CNTNAP5: variants seen among roughly 807,000 people sequenced by gnomAD.
CNTNAP5 encodes the protein contactin associated protein family member 5.
CNTNAP5 carries 72 observed loss-of-function variants against 150.2 expected under a neutral mutation model. The ratio of observed to expected loss-of-function variants is 0.48; its 90% CI spans 0.40 to 0.58. CNTNAP5 has a LOEUF of 0.58. Among genes scored for constraint, CNTNAP5 ranks in the 20% least tolerant of loss-of-function variants. The pLI is 0.00. For missense variants in CNTNAP5, 1,636 were observed against 1,626.2 expected (o/e 1.01, Z -0.10); for synonymous variants, 672 against 619.8 (o/e 1.08, Z -1.25).
intron 17 of CNTNAP5, among the ~76,000 whole-genome samples, chr2:124,775,922 A>G (rs956461070): frequency 2.6e-5 from 4 of 152,254 alleles, no homozygotes; most frequent in South Asian, 2.1e-4. Flanking sequence ...CGAAGATCCA[A>G]TGGAGAGATC....
At chr2:124,473,396 A>T (rs1035527955) in intron 6 of CNTNAP5, among the ~76,000 whole-genome samples, 1 of 152,072 alleles carries the variant, frequency 6.6e-6, no homozygotes, top group Admixed American at 6.6e-5. Flanking sequence ...AAAATGAAAT[A>T]GATAAAATAT....
At chr2:124,730,530 C>T (rs1159368015) in intron 13 of CNTNAP5, among the ~76,000 whole-genome samples, 2 of 152,034 alleles carry the variant, frequency 1.3e-5, no homozygotes, top group Admixed American at 6.6e-5. Context: ...GATGTGGAAA[C>T]ATAGCAACTA....
intron 4 of CNTNAP5, among the ~76,000 whole-genome samples, chr2:124,418,304 A>T (rs1236450952): frequency 6.6e-6 from 1 of 152,208 alleles, no homozygotes; most frequent in Non-Finnish European, 1.5e-5. Context: ...CCCCTAATGC[A>T]TAAACACATT....
chr2:124,903,984 G>T (rs567880526), intron 22 of CNTNAP5, among the ~76,000 whole-genome samples: 4 of 144,616 alleles, frequency 2.8e-5, no homozygotes, highest in Non-Finnish European at 6.0e-5. Flanking sequence ...AACCTGGAAG[G>T]CAGAGGTTGC....
chr2:124,900,456 A>C (rs1342030750), intron 21 of CNTNAP5, among the ~76,000 whole-genome samples: 1 of 151,300 alleles, frequency 6.6e-6, no homozygotes, highest in Non-Finnish European at 1.5e-5. Context: ...TGTTCTTTGC[A>C]TTTCTTTTCA....
chr2:124,809,233 C>T (rs78610544), intron 19 of CNTNAP5, among the ~76,000 whole-genome samples: 264 of 152,134 alleles, frequency 1.7e-3, no homozygotes, highest in African/African-American at 6.1e-3. Flanking sequence ...GTACTTTCAC[C>T]AGCCTTCCAA....
rs72980426 is a variant in CNTNAP5, at chr2:124,763,611, A to G, written c.2235-61A>G. ...TCACTTCTGAAAAGAGGGGTCATGG[A>G]AAAGAGTCCCTAGATTATCCACATT... On this transcript the variant is annotated intron_variant, in intron 14 of 23. Transcript: ENST00000682447. The G allele has an allele frequency of 3.8e-3, 5,876 of 1,532,968 alleles. 168 individuals carry two copies. In the African/African-American group the frequency reaches 0.061, roughly 16 times the overall value. The allele number at this position is 1,532,968 out of a possible 1,614,324, so 95.0% of individuals were successfully genotyped here.
intron 3 of CNTNAP5, among the ~76,000 whole-genome samples, chr2:124,301,419 A>T (rs556659561): frequency 6.6e-6 from 1 of 152,182 alleles, no homozygotes; most frequent in East Asian, 1.9e-4. Context: ...GGCAATCACT[A>T]GTGAAGGATT....
At chr2:124,876,735 T>C (rs966778826) in intron 21 of CNTNAP5, among the ~76,000 whole-genome samples, 2 of 152,124 alleles carry the variant, frequency 1.3e-5, no homozygotes, top group African/African-American at 4.8e-5. Flanking sequence ...AGTTCTTTAG[T>C]AAATACTAAA....
chr2:124,771,724 C>T (rs372476973), intron 16 of CNTNAP5, among the ~76,000 whole-genome samples: 8 of 144,566 alleles, frequency 5.5e-5, no homozygotes, highest in East Asian at 4.0e-4. Context: ...TTCATCACCA[C>T]CATCACCACC....
chr2:124,772,228 A>G (rs563180628), intron 16 of CNTNAP5, among the ~76,000 whole-genome samples: 1 of 152,336 alleles, frequency 6.6e-6, no homozygotes, highest in South Asian at 2.1e-4. Context: ...AGAGGCAGAA[A>G]GAATAATGGA....
intron 1 of CNTNAP5, among the ~76,000 whole-genome samples, chr2:124,184,568 CAGT>C (rs906539273): frequency 6.6e-6 from 1 of 152,112 alleles, no homozygotes; most frequent in Admixed American, 6.6e-5. Context: ...ACTCTGATAG[CAGT>C]GTGGAGAATG....
chr2:124,565,790 G>T (rs1248170969), intron 11 of CNTNAP5, among the ~76,000 whole-genome samples: 2 of 151,616 alleles, frequency 1.3e-5, no homozygotes, highest in Non-Finnish European at 2.9e-5. Context: ...TAGTAGAGAC[G>T]GGGTTTCACC....
chr2:124,800,819 C>A (rs1305639471), intron 19 of CNTNAP5, among the ~76,000 whole-genome samples: 3 of 152,258 alleles, frequency 2.0e-5, no homozygotes, highest in Non-Finnish European at 4.4e-5. Context: ...GGTCTCAGGG[C>A]ATGTGTGAAA....
chr2:124,807,292 C>T (rs530645831), intron 19 of CNTNAP5, among the ~76,000 whole-genome samples: 1 of 151,978 alleles, frequency 6.6e-6, no homozygotes, highest in Admixed American at 6.5e-5. Context: ...AGGACTCTGA[C>T]TGTCGGATGC....
At chr2:124,831,690 T>C (rs1288311717) in intron 19 of CNTNAP5, among the ~76,000 whole-genome samples, 1 of 151,350 alleles carries the variant, frequency 6.6e-6, no homozygotes, top group African/African-American at 2.4e-5. Flanking sequence ...TATTTCCTTA[T>C]AACAAAATTT....
chr2:124,079,731 G>A (rs1207883438), intron 1 of CNTNAP5, among the ~76,000 whole-genome samples: 2 of 152,112 alleles, frequency 1.3e-5, no homozygotes, highest in Non-Finnish European at 2.9e-5. Context: ...GTATGTATAC[G>A]TGTGTGTGTG....
At chr2:124,541,179 A>ATTTTCTTTTTTTTTTTTTTTTTTTTT (rs1695373517) in intron 10 of CNTNAP5, among the ~76,000 whole-genome samples, 1 of 83,082 alleles carries the variant, frequency 1.2e-5, no homozygotes, top group Non-Finnish European at 2.3e-5. Context: ...CAAAATTCCG[A>ATTTTCTTTTTTTTTTTTTTTTTTTTT]TTTTTTTTTT....
At chr2:124,522,296 A>G (rs2104884461) in intron 8 of CNTNAP5, among the ~76,000 whole-genome samples, 1 of 152,186 alleles carries the variant, frequency 6.6e-6, no homozygotes, top group South Asian at 2.1e-4. Context: ...GGTCTATTTT[A>G]CCTGCAGAAA....
Sources: allele counts gnomAD v4.1 joint callset (sites outside exome capture counted in the v4.1 genomes callset), GRCh38; gene constraint gnomAD v4.1.1; transcripts MANE v1.5; gene names NCBI Gene and HGNC (gene_info 2026-07-23, HGNC 2026-07-21).